UGT1A10: variants seen among roughly 807,000 people sequenced by gnomAD.
UGT1A10 encodes the protein UDP-glucuronosyltransferase 1A10.
In UGT1A10, 49 loss-of-function variants were observed where a neutral mutation model predicts 45.8. The ratio of observed to expected loss-of-function variants is 1.07; its 90% CI spans 0.85 to 1.36. The LOEUF (loss-of-function observed/expected upper bound fraction) is 1.36, where lower values mean the gene tolerates loss of function less well. UGT1A10 is among the 40% of genes most tolerant of loss of function. The pLI, the probability that UGT1A10 is intolerant of heterozygous loss-of-function variation, is 0.00. For synonymous variants in UGT1A10, 284 were observed against 249.7 expected (o/e 1.14, Z -1.29); for missense variants, 745 against 668.6 (o/e 1.11, Z -1.26).
At chr2:233,678,973 C>A (rs1481892328) in intron 1 of UGT1A10, among the ~76,000 whole-genome samples, 2 of 152,194 alleles carry the variant, frequency 1.3e-5, no homozygotes, top group Non-Finnish European at 2.9e-5. Context: ...GGCTTGGTGG[C>A]TTTCAAAGCT....
At chr2:233,762,598 T>C (rs903275038) in intron 1 of UGT1A10, among the ~76,000 whole-genome samples, 9 of 152,226 alleles carry the variant, frequency 5.9e-5, no homozygotes, top group Admixed American at 2.6e-4. Context: ...CAATTTGTAT[T>C]CCAGGAGTTT....
rs1693746524 is a variant in UGT1A10, at chr2:233,747,672, A to G, written c.856-19362A>G. Reference sequence around the variant, plus strand: ...CTTCGATGTGGTTTTAATAGACCCAATTTACCTCTGTGGGGCAGTGCTGGC... The same window carrying G: ...CTTCGATGTGGTTTTAATAGACCCAGTTTACCTCTGTGGGGCAGTGCTGGC... On this transcript the variant is annotated intron_variant, in intron 1 of 4. Transcript: ENST00000344644. 1.4e-5 allele frequency: 22 copies of G among 1,605,362 alleles called. No individual in the cohort carries two copies. The South Asian group carries it at 1.4e-4, about 10-fold the overall frequency.
intron 1 of UGT1A10, among the ~76,000 whole-genome samples, chr2:233,706,453 A>G (rs919599905): frequency 2.6e-5 from 4 of 152,254 alleles, no homozygotes; most frequent in Non-Finnish European, 5.9e-5. Context: ...GCAAATGACC[A>G]TTGAGGTTTC....
At chr2:233,673,576 G>A (rs993269062) in intron 1 of UGT1A10, among the ~76,000 whole-genome samples, 1 of 152,028 alleles carries the variant, frequency 6.6e-6, no homozygotes, top group Non-Finnish European at 1.5e-5. Flanking sequence ...GTGTCTTCCT[G>A]TTCAGGAATA....
chr2:233,671,847 G>T, intron 1 of UGT1A10: 3 of 1,494,270 alleles, frequency 2.0e-6, no homozygotes, highest in South Asian at 2.9e-5. Flanking sequence ...CCCTCTATTG[G>T]GGTCAGGTTT....
chr2:233,641,689 C>T (rs758368537), intron 1 of UGT1A10, among the ~76,000 whole-genome samples: 1 of 152,138 alleles, frequency 6.6e-6, no homozygotes, highest in Non-Finnish European at 1.5e-5. Context: ...CTTGTAGGAT[C>T]GGTCTGGAAT....
rs531220267 is a variant in UGT1A10, at chr2:233,732,395, C to A, written c.856-34639C>A. On this transcript the variant is annotated intron_variant, in intron 1 of 4. Coordinates refer to ENST00000344644, the MANE Select transcript of UGT1A10 (RefSeq NM_019075.4). ...CTATGTCTTCTAGGCCATGCCTATGCCTAAATGATATTGCCTAGGTTTTCT... is the reference window on the plus strand; with the variant it reads ...CTATGTCTTCTAGGCCATGCCTATGACTAAATGATATTGCCTAGGTTTTCT... Among the ~76,000 whole-genome samples, 4 of 152,284 alleles carry A rather than the reference C, an allele frequency of 2.6e-5. No individual in the cohort carries two copies. The East Asian group carries it at 7.7e-4, about 29-fold the overall frequency.
At chr2:233,709,134 A>G (rs2076059610) in intron 1 of UGT1A10, among the ~76,000 whole-genome samples, 1 of 152,060 alleles carries the variant, frequency 6.6e-6, no homozygotes, top group Non-Finnish European at 1.5e-5. Flanking sequence ...GGCCAAGGGG[A>G]TGAGACGTGC....
rs551525827 is a variant in UGT1A10, at chr2:233,648,775, A to C, written c.855+11398A>C. The C allele has an allele frequency of 9.2e-5, 74 of 803,422 alleles. No homozygotes were observed. In the East Asian group the frequency reaches 3.0e-3, roughly 32 times the overall value. 49.8% of individuals were successfully genotyped at this position (803,422 alleles called of 1,614,324 possible). On this transcript the variant is annotated intron_variant, in intron 1 of 4. Transcript: ENST00000344644. ...CACCACACCCAGCCTGGATGCCATG[A>C]CTTTTAAGGAGAGAGTAAGGAACCA...
chr2:233,729,144 G>C, intron 1 of UGT1A10: 1 of 1,613,472 alleles, frequency 6.2e-7, no homozygotes, highest in Non-Finnish European at 8.5e-7. Flanking sequence ...CAGGACTCCA[G>C]GTTCCCCTGC....
chr2:233,757,842 T>G (rs904843638), intron 1 of UGT1A10, among the ~76,000 whole-genome samples: 1 of 151,920 alleles, frequency 6.6e-6, no homozygotes, highest in Non-Finnish European at 1.5e-5. Context: ...GCCTACTAAC[T>G]TATGTCTTCA....
At chr2:233,751,274 C>T (rs1450927418) in intron 1 of UGT1A10, among the ~76,000 whole-genome samples, 1 of 151,812 alleles carries the variant, frequency 6.6e-6, no homozygotes, top group African/African-American at 2.4e-5. Flanking sequence ...CTTTTTTTGG[C>T]CAGTTTCTCC....
rs553351524 is a variant in UGT1A10, at chr2:233,769,411, G to A, written c.1295+972G>A. ...ATACTGTGTGCATATGTGCGTGTGC[G>A]TTTGTGCATGTGGCTGTGCTCATGT... is the stretch of plus-strand genomic sequence containing the variant. On this transcript the variant is annotated intron_variant, in intron 4 of 4. Coordinates refer to ENST00000344644, the MANE Select transcript of UGT1A10 (RefSeq NM_019075.4). This position sits in a 1 kb window ranked among gnomAD's most constrained non-coding sequence, Gnocchi z 4.4. 25 of 1,356,294 alleles carry A rather than the reference G, an allele frequency of 1.8e-5. No individual in the cohort carries two copies. The highest frequency in any genetic ancestry group is 8.6e-5 in the African/African-American group (6 of 69,942). The allele number at this position is 1,356,294 out of a possible 1,614,324, so 84.0% of individuals were successfully genotyped here. A position where few individuals can be genotyped will look rare whatever the true frequency, so the allele number is the denominator to read the frequency against.
chr2:233,724,978 CT>C (rs879408503), intron 1 of UGT1A10, among the ~76,000 whole-genome samples: 4,867 of 144,460 alleles, frequency 0.034, 246 homozygotes, highest in African/African-American at 0.053. Context: ...TGGCGGATCA[CT>C]CGCGGTTAGG....
chr2:233,678,372 T>C (rs941504782), intron 1 of UGT1A10, among the ~76,000 whole-genome samples: 2 of 152,050 alleles, frequency 1.3e-5, no homozygotes, highest in South Asian at 2.1e-4. Flanking sequence ...TCATCTTCCA[T>C]TGAGTGGGCT....
chr2:233,666,272 A>C (rs557291154), intron 1 of UGT1A10, among the ~76,000 whole-genome samples: 3 of 152,340 alleles, frequency 2.0e-5, no homozygotes, highest in African/African-American at 7.2e-5. Flanking sequence ...ATCCACTCAA[A>C]CACCTCCTGC....
intron 1 of UGT1A10, among the ~76,000 whole-genome samples, chr2:233,733,071 A>G (rs1267535040): frequency 6.6e-6 from 1 of 152,128 alleles, no homozygotes; most frequent in African/African-American, 2.4e-5. Context: ...TCTTTGTAGC[A>G]ATTGTGAATG....
chr2:233,744,576 G>A (rs371492922), intron 1 of UGT1A10, among the ~76,000 whole-genome samples: 6 of 151,982 alleles, frequency 3.9e-5, no homozygotes, highest in South Asian at 4.2e-4. Flanking sequence ...GAGTGGCATC[G>A]TTTTACAGTT....
intron 1 of UGT1A10, chr2:233,672,197 G>C (rs148603525): frequency 1.4e-5 from 23 of 1,614,132 alleles, no homozygotes; most frequent in South Asian, 7.7e-5. Flanking sequence ...GATCTGGACC[G>C]GGAGTTCAAG....
Sources: gnomAD v4.1 joint callset for allele counts (sites outside exome capture counted in the v4.1 genomes callset) on GRCh38, gnomAD v4.1.1 for gene constraint, Gnocchi (gnomAD v3.1) non-coding constraint, MANE v1.5 for transcripts, NCBI Gene and HGNC (gene_info 2026-07-23, HGNC 2026-07-21) for gene names.